The following LMCD1 variants were observed in gnomAD, a reference collection of about 807,000 sequenced individuals.
LMCD1 encodes LIM and cysteine-rich domains protein 1.
LMCD1 carries 32 observed loss-of-function variants against 42.7 expected under a neutral mutation model. The ratio of observed to expected loss-of-function variants is 0.75; its 90% CI spans 0.57 to 1.01. LMCD1 has a LOEUF of 1.01. Among genes scored for constraint, LMCD1 ranks in the 50% least tolerant of loss-of-function variants. LMCD1 has a pLI of 0.00. For synonymous variants in LMCD1, 178 were observed against 184.9 expected (o/e 0.96, Z 0.30); for missense variants, 458 against 483.1 (o/e 0.95, Z 0.49).
intron 4 of LMCD1, among the ~76,000 whole-genome samples, chr3:8,559,904 G>A (rs988478976): frequency 1.3e-5 from 2 of 152,252 alleles, no homozygotes; most frequent in Admixed American, 6.5e-5. Context: ...GCTACTGGTA[G>A]AAACCAGTCC....
intron 1 of LMCD1, among the ~76,000 whole-genome samples, chr3:8,517,999 A>G (rs1694129565): frequency 6.6e-6 from 1 of 152,104 alleles, no homozygotes; most frequent in Non-Finnish European, 1.5e-5. Flanking sequence ...AAAATATTTG[A>G]TTCCTACAAC....
intron 3 of LMCD1, among the ~76,000 whole-genome samples, chr3:8,542,309 G>A (rs1694642346): frequency 6.6e-6 from 1 of 152,146 alleles, no homozygotes; most frequent in Non-Finnish European, 1.5e-5. Flanking sequence ...GCCCCAGCTG[G>A]AGCTTTGAGC....
At chr3:8,531,057 G>A (rs1302668421) in intron 1 of LMCD1, among the ~76,000 whole-genome samples, 2 of 152,230 alleles carry the variant, frequency 1.3e-5, no homozygotes, top group South Asian at 2.1e-4. Flanking sequence ...GCATTATTGT[G>A]AGAAGATTTG....
rs150998665 is a variant in LMCD1, at chr3:8,571,674, C to A, written c.*4076C>A. The A allele has an allele frequency of 1.3e-5, 2 of 152,258 alleles. No homozygotes were observed. The highest frequency in any genetic ancestry group is 2.4e-5 in the African/African-American group (1 of 41,466). 9.4% of individuals were successfully genotyped at this position (152,258 alleles called of 1,614,324 possible). A position where few individuals can be genotyped will look rare whatever the true frequency, so the allele number is the denominator to read the frequency against. ...GGTCTGCAGCTGGAGAAAGGCCATG[C>A]GCCTCTATTACCAGCCAGTGGGGCT... On this transcript the variant is annotated 3_prime_UTR_variant, in exon 6 of 6. Coordinates refer to ENST00000157600, the MANE Select transcript of LMCD1 (RefSeq NM_014583.4).
intron 5 of LMCD1, 68 bp downstream of exon 5, chr3:8,565,715 C>T: frequency 7.1e-7 from 1 of 1,405,924 alleles, no homozygotes. Context: ...GCCCAGAGGC[C>T]AAGAGGAGCA....
intron 4 of LMCD1, among the ~76,000 whole-genome samples, chr3:8,557,277 C>T (rs537351540): frequency 1.3e-5 from 2 of 152,160 alleles, no homozygotes; most frequent in Admixed American, 1.3e-4. Flanking sequence ...CATGAGGCTG[C>T]AAAGCAAAGA....
intron 3 of LMCD1, among the ~76,000 whole-genome samples, chr3:8,539,216 T>C (rs1350188217): frequency 6.6e-6 from 1 of 152,176 alleles, no homozygotes; most frequent in African/African-American, 2.4e-5. Context: ...AGCTGTTGCC[T>C]TAGGGGGGAA....
intron 1 of LMCD1, among the ~76,000 whole-genome samples, chr3:8,513,023 C>T (rs990758415): frequency 2.0e-5 from 3 of 152,142 alleles, no homozygotes; most frequent in South Asian, 2.1e-4. Context: ...GTCAGAATAC[C>T]ACTGAGGAAC....
chr3:8,514,446 G>A lies in LMCD1; in HGVS notation c.42+12466G>A, dbSNP rs528820412. 4.6e-5 allele frequency among the ~76,000 whole-genome samples: 7 copies of A among 152,264 alleles called. No homozygotes were observed. The South Asian group carries it at 1.4e-3, about 32-fold the overall frequency. The stretch of plus-strand genomic sequence containing the variant: ...AATGATACAGCCACCGTGGAAAGCT[G>A]TCTGGTAGTATCTAAAAAGTTAAAT... On this transcript the variant is annotated intron_variant, in intron 1 of 5. Transcript: ENST00000157600.
intron 4 of LMCD1, chr3:8,550,406 G>A (rs1267602245): frequency 8.1e-6 from 8 of 983,726 alleles, no homozygotes; most frequent in African/African-American, 7.2e-5. Context: ...TGAGCCAGGC[G>A]ACCCAGGGAA....
intron 4 of LMCD1, among the ~76,000 whole-genome samples, chr3:8,557,110 C>T (rs1402300058): frequency 1.3e-5 from 2 of 152,160 alleles, no homozygotes; most frequent in African/African-American, 4.8e-5. Context: ...AAGCACATGA[C>T]CCAAACCGTT....
chr3:8,561,490 C>T (rs150876697), intron 4 of LMCD1, among the ~76,000 whole-genome samples: 157 of 151,572 alleles, frequency 1.0e-3, no homozygotes, highest in African/African-American at 3.5e-3. Flanking sequence ...AAAATCCAGT[C>T]TTCATTCTCA....
At chr3:8,534,210 A>G (rs1694469444) in intron 2 of LMCD1, among the ~76,000 whole-genome samples, 1 of 151,844 alleles carries the variant, frequency 6.6e-6, no homozygotes, top group African/African-American at 2.4e-5. Context: ...AAATGCACCC[A>G]CCGAGTCAAT....
chr3:8,534,189 A>C (rs1559350379), intron 2 of LMCD1, among the ~76,000 whole-genome samples: 1 of 151,708 alleles, frequency 6.6e-6, no homozygotes, highest in African/African-American at 2.4e-5. Flanking sequence ...AGCCAGGGGA[A>C]AATGTTATCT....
intron 1 of LMCD1, among the ~76,000 whole-genome samples, chr3:8,525,542 C>A (rs1331069285): frequency 2.6e-5 from 4 of 152,140 alleles, no homozygotes; most frequent in Non-Finnish European, 5.9e-5. Flanking sequence ...AGGCAGTTAT[C>A]TCTTTGAGAT....
chr3:8,514,629 G>A (rs1207053231), intron 1 of LMCD1, among the ~76,000 whole-genome samples: 7 of 152,178 alleles, frequency 4.6e-5, no homozygotes, highest in East Asian at 3.8e-4. Context: ...ATCAACGGGA[G>A]AATGAATAAA....
At chr3:8,502,325 AT>A (rs1693755391) in intron 1 of LMCD1, among the ~76,000 whole-genome samples, 1 of 77,446 alleles carries the variant, frequency 1.3e-5, no homozygotes, top group African/African-American at 5.5e-5. Context: ...TATATATTAT[AT>A]ATAATATATA....
intron 1 of LMCD1, among the ~76,000 whole-genome samples, chr3:8,504,945 C>A (rs192828313): frequency 3.2e-4 from 48 of 152,362 alleles, no homozygotes; most frequent in Admixed American, 1.4e-3. Flanking sequence ...CACTTACTAG[C>A]TGTGTGCTCT....
intron 4 of LMCD1, among the ~76,000 whole-genome samples, chr3:8,554,645 G>A (rs531063834): frequency 3.3e-5 from 5 of 152,204 alleles, no homozygotes; most frequent in South Asian, 2.1e-4. Context: ...AGCCCCTCGC[G>A]CACTCTCCAA....
Sources: allele counts gnomAD v4.1 joint callset (sites outside exome capture counted in the v4.1 genomes callset), GRCh38; gene constraint gnomAD v4.1.1; transcripts MANE v1.5; gene names NCBI Gene and HGNC (gene_info 2026-07-23, HGNC 2026-07-21).